The following BCL7A variants were observed in gnomAD, a reference collection of about 807,000 sequenced individuals.
BCL7A encodes B-cell CLL/lymphoma 7 protein family member A.
A neutral mutation model predicts 28.4 loss-of-function variants in BCL7A; 11 were observed. The observed-to-expected ratio is 0.39, with a 90% CI of 0.24 to 0.64. BCL7A has a LOEUF of 0.64. Among genes scored for constraint, BCL7A ranks in the 30% least tolerant of loss-of-function variants. BCL7A has a pLI of 0.50. For missense variants in BCL7A, 222 were observed against 274.8 expected, an observed-to-expected ratio of 0.81 and a Z score of 1.36; for synonymous variants, 123 against 103.3, an observed-to-expected ratio of 1.19 and a Z score of -1.15.
chr12:122,025,007 G>T (rs1883584610), intron 1 of BCL7A, among the ~76,000 whole-genome samples: 1 of 151,774 alleles, frequency 6.6e-6, no homozygotes, highest in African/African-American at 2.4e-5. Flanking sequence ...CTCATTTGGG[G>T]CAGGCTGCCT....
chr12:122,031,621 T>C (rs1593024361), intron 2 of BCL7A, among the ~76,000 whole-genome samples: 1 of 152,310 alleles, frequency 6.6e-6, no homozygotes, highest in Non-Finnish European at 1.5e-5. Flanking sequence ...TGAATGGAGC[T>C]CAGGTCTGTC....
At chr12:122,057,309 G>C (rs1951885435) in intron 5 of BCL7A, among the ~76,000 whole-genome samples, 1 of 152,362 alleles carries the variant, frequency 6.6e-6, no homozygotes, top group African/African-American at 2.4e-5. Context: ...CCAGAACCTG[G>C]TGGGTGAGGA....
chr12:122,024,323 T>G, intron 1 of BCL7A, among the ~76,000 whole-genome samples: 1 of 152,362 alleles, frequency 6.6e-6, no homozygotes. Context: ...GTGCTTGGCT[T>G]CCAGGTCCCC....
rs55770934 is a variant in BCL7A at position 122,034,190 on chromosome 12, CATATATATATATATATATATATAT to C, written c.175-1110_175-1087del. Among the ~76,000 whole-genome samples, 288 of 97,612 alleles carry C rather than the reference CATATATATATATATATATATATAT, an allele frequency of 3.0e-3. 2 individuals carry two copies. Among genetic ancestry groups the C allele is most frequent in the African/African-American group, 7.1e-3 (169 of 23,950 alleles). 64.0% of individuals were successfully genotyped at this position (97,612 alleles called of 152,430 possible). A position where few individuals can be genotyped will look rare whatever the true frequency, so the allele number is the denominator to read the frequency against. ...TGAGGCTCACGTATCCTGCATCTTT[CATATATATATATATATATATATAT>C]ATATATATATATATATATATATATA... is the stretch of plus-strand genomic sequence containing the variant. On this transcript the variant is annotated intron_variant, in intron 2 of 5. Transcript: ENST00000261822.
intron 4 of BCL7A, among the ~76,000 whole-genome samples, chr12:122,054,573 T>C (rs944863559): frequency 6.6e-6 from 1 of 152,108 alleles, no homozygotes; most frequent in Non-Finnish European, 1.5e-5. Flanking sequence ...CAGCTAAGTG[T>C]GCAGGAGAGG....
At position 122,061,208 on chromosome 12, in the gene BCL7A, C is replaced by G; in HGVS notation, c.*2045C>G. 4.4e-6 allele frequency: 1 copy of G among 229,424 alleles called. No individual in the cohort carries two copies. The highest frequency in any genetic ancestry group is 6.2e-5 in the East Asian group (1 of 16,114). The allele number at this position is 229,424 out of a possible 1,614,324, so 14.2% of individuals were successfully genotyped here. On this transcript the variant is annotated 3_prime_UTR_variant, in exon 6 of 6. Transcript: ENST00000261822. Reference sequence around the variant, plus strand: ...GTTTTTGGGAAACGAGAGGCTACAACCAAGACAGCTGAAGGAGAATGAAAC... The same window carrying G: ...GTTTTTGGGAAACGAGAGGCTACAAGCAAGACAGCTGAAGGAGAATGAAAC...
chr12:122,043,798 T>A, intron 3 of BCL7A, 88 bp from the exon 4 acceptor site: 1 of 1,383,878 alleles, frequency 7.2e-7, no homozygotes, highest in Non-Finnish European at 9.6e-7. Flanking sequence ...TTCCGGGCAT[T>A]GAGGCACAGG....
chr12:122,058,988 C>A, intron 5 of BCL7A, 104 bp from the exon 6 acceptor site: 1 of 957,212 alleles, frequency 1.0e-6, no homozygotes, highest in Non-Finnish European at 1.6e-6. Context: ...ACCACAAAGC[C>A]GCCCCCGCTC....
chr12:122,038,116 G>A (rs1883892560), intron 3 of BCL7A, among the ~76,000 whole-genome samples: 2 of 151,076 alleles, frequency 1.3e-5, no homozygotes, highest in East Asian at 2.0e-4. Flanking sequence ...GTGAGACTCC[G>A]TCTCAAAAAA....
chr12:122,022,071 C>G lies in BCL7A; in HGVS notation c.-21C>G, dbSNP rs1363187769. 4 of 1,542,500 alleles carry G rather than the reference C, an allele frequency of 2.6e-6. No homozygotes were observed. Among genetic ancestry groups the G allele is most frequent in the African/African-American group, 1.4e-5 (1 of 71,568 alleles). ...GGACCCGGCGGGCGCGCTCCCCAGC[C>G]TCCGTCTCCCCGCCGGAACCATGTC... On this transcript the variant is annotated 5_prime_UTR_variant, in exon 1 of 6. Transcript: ENST00000261822.
intron 3 of BCL7A, among the ~76,000 whole-genome samples, chr12:122,037,652 C>A (rs1883882744): frequency 6.6e-6 from 1 of 151,958 alleles, no homozygotes; most frequent in Non-Finnish European, 1.5e-5. Context: ...CCTGTCTCTA[C>A]TAAAAATACA....
intron 1 of BCL7A, among the ~76,000 whole-genome samples, chr12:122,027,911 C>T (rs142834678): frequency 2.0e-4 from 31 of 152,238 alleles, no homozygotes; most frequent in African/African-American, 5.3e-4. Context: ...AGAGGAGCAA[C>T]GCCCTTTTTT....
Position 122,060,746 on chromosome 12 carries a change from T to A in BCL7A, c.*1583T>A. On this transcript the variant is annotated 3_prime_UTR_variant, in exon 6 of 6. Transcript: ENST00000261822. ...TTTCTCCTGACCATCATGGGAAGTGTCTGCTGGATTCCATTTTCTAAGAGT... is the reference window on the plus strand; with the variant it reads ...TTTCTCCTGACCATCATGGGAAGTGACTGCTGGATTCCATTTTCTAAGAGT... 8.6e-6 allele frequency: 2 copies of A among 232,246 alleles called. No homozygotes were observed. The highest frequency in any genetic ancestry group is 1.7e-5 in the Non-Finnish European group (2 of 117,422). The allele number at this position is 232,246 out of a possible 1,614,324, so 14.4% of individuals were successfully genotyped here.
intron 2 of BCL7A, among the ~76,000 whole-genome samples, chr12:122,032,629 G>A (rs967431147): frequency 1.3e-5 from 2 of 152,202 alleles, no homozygotes; most frequent in African/African-American, 4.8e-5. Context: ...GACCAGCCCC[G>A]ATTAACCTGT....
At chr12:122,055,078 AAC>A in intron 5 of BCL7A, 152 bp downstream of exon 5, 1 of 1,475,924 alleles carries the variant, frequency 6.8e-7, no homozygotes, top group Non-Finnish European at 9.2e-7. Flanking sequence ...TATGTCCATG[AAC>A]ACAGTCCTGG....
intron 4 of BCL7A, 58 bp downstream of exon 4, chr12:122,044,111 G>A (rs1447976623): frequency 6.4e-7 from 1 of 1,559,770 alleles, no homozygotes; most frequent in Non-Finnish European, 8.7e-7. Flanking sequence ...CCTTCAGGCA[G>A]TCTGTGGCTA....
In BCL7A at chr12:122,061,252, A is replaced by G. The variant is rs1385106587; in HGVS notation, c.*2089A>G. ...ATGAAACACACACATCCACAGAAAC[A>G]GAGAGGCGTAGGTGGCCCTGCCGTT... On this transcript the variant is annotated 3_prime_UTR_variant, in exon 6 of 6. Coordinates refer to ENST00000261822, the MANE Select transcript of BCL7A (RefSeq NM_001024808.3). The G allele has an allele frequency of 4.3e-6, 1 of 231,030 alleles. No individual in the cohort carries two copies. Among genetic ancestry groups the G allele is most frequent in the African/African-American group, 2.2e-5 (1 of 45,208 alleles). The allele number at this position is 231,030 out of a possible 1,614,324, so 14.3% of individuals were successfully genotyped here.
Position 122,022,105 on chromosome 12 carries a change from C to G in BCL7A, c.14C>G (p.Ser5Trp), listed in dbSNP as rs2135832583. The G allele has an allele frequency of 1.3e-6, 2 of 1,570,034 alleles. No homozygotes were observed. The highest frequency in any genetic ancestry group is 1.7e-6 in the Non-Finnish European group (2 of 1,157,382). ...CCCGCCGGAACCATGTCGGGCAGGT[C>G]GGTTCGAGCCGAGACGAGGAGCCGG... MSGR[S>W]VRAETRSRAK... The change falls in exon 1 of 6, where the codon TCG (serine) becomes TGG (tryptophan). Residue 5 changes from serine (S) to tryptophan (W), a missense_variant. Physicochemically the swap from Ser to Trp is radical, Grantham distance 177. Around this residue, in one of 2 missense-constraint regions of BCL7A, gnomAD observed 67 missense variants for 129.1 expected, o/e 0.52. Transcript: ENST00000261822.
intron 4 of BCL7A, among the ~76,000 whole-genome samples, chr12:122,050,300 G>GA (rs201127945): frequency 1.3e-4 from 15 of 118,112 alleles, no homozygotes; most frequent in East Asian, 2.5e-4. Flanking sequence ...CTTTATTGTG[G>GA]GGGGGGGGCC....
Sources: gnomAD v4.1 joint callset for allele counts (sites outside exome capture counted in the v4.1 genomes callset) on GRCh38, gnomAD v4.1.1 for gene constraint, gnomAD v4.1.1 regional missense constraint, MANE v1.5 for transcripts, NCBI Gene and HGNC (gene_info 2026-07-23, HGNC 2026-07-21) for gene names.